The following TRIM63 variants were observed in gnomAD, a reference collection of about 807,000 sequenced individuals.
TRIM63 encodes E3 ubiquitin-protein ligase TRIM63.
TRIM63 carries 48 observed loss-of-function variants against 46.0 expected under a neutral mutation model. The ratio of observed to expected loss-of-function variants is 1.04; its 90% CI spans 0.83 to 1.33. The LOEUF (loss-of-function observed/expected upper bound fraction) is 1.33. Ranked by LOEUF, TRIM63 falls within the 40% of genes most tolerant of loss-of-function variation. TRIM63 has a pLI of 0.00. For missense variants in TRIM63, 455 were observed against 441.2 expected (o/e 1.03, Z -0.28); for synonymous variants, 175 against 162.8 (o/e 1.08, Z -0.57).
chr1:26,057,316 G>A lies in TRIM63; in HGVS notation c.866C>T (p.Ala289Val), dbSNP rs936318870. 1.2e-5 allele frequency: 19 copies of A among 1,614,026 alleles called. No individual in the cohort carries two copies. The highest frequency in any genetic ancestry group is 1.5e-5 in the Non-Finnish European group (18 of 1,180,042). ...CTTCCCCAGCTGGCAGCCCTTGGAA[G>A]CTTCCACAATGCTGCAGGGGAGACA... is the stretch of plus-strand genomic sequence containing the variant. ...AKQLIKSIVE[A>V]SKGCQLGKTE... The change falls in exon 7 of 9, where the codon GCT becomes GTT. Residue 289 changes from alanine (A) to valine (V), a missense_variant. Ala to Val is a moderately conservative substitution (Grantham distance 64). Transcript: ENST00000374272.
At chr1:26,064,034 G>A (rs902212300) in intron 2 of TRIM63, among the ~76,000 whole-genome samples, 1 of 152,354 alleles carries the variant, frequency 6.6e-6, no homozygotes, top group South Asian at 2.1e-4. Flanking sequence ...GGTGGCCCAC[G>A]CCTGTAATGC....
chr1:26,058,456 C>T lies in TRIM63; in HGVS notation c.765G>A (p.Lys255=). 2 of 1,614,200 alleles carry T rather than the reference C, an allele frequency of 1.2e-6. No individual in the cohort carries two copies. The highest frequency in any genetic ancestry group is 1.7e-6 in the Non-Finnish European group (2 of 1,180,044). Residue 255 remains lysine, a synonymous_variant, in exon 5 of 9, where the codon AAG becomes AAA. Coordinates refer to ENST00000374272, the MANE Select transcript of TRIM63 (RefSeq NM_032588.4). The stretch of plus-strand genomic sequence containing the variant: ...TGGCAGTTTCCACCAGCTTTGTGGA[C>T]TTGTCCAGCTGCTCCTGGTACTGCT... The part of the protein sequence containing the change: ...LIQQYQEQLD[K]STKLVETAIQ...
Position 26,067,368 on chromosome 1 carries a change from G to A in TRIM63, c.127C>T (p.Leu43=). ...ATGTCATTGGCACACTTCCGGCACA[G>A]GTTGTGCTGGCACGGCAAGATGACC... ...PVVILPCQHN[L]CRKCANDIFQ... Residue 43 remains leucine (L), a synonymous_variant, in exon 1 of 9, where the codon CTG becomes TTG. Transcript: ENST00000374272. The A allele has an allele frequency of 6.2e-7, 1 of 1,614,224 alleles. No individual in the cohort carries two copies. The highest frequency in any genetic ancestry group is 8.5e-7 in the Non-Finnish European group (1 of 1,180,046).
At chr1:26,057,700 C>T in intron 5 of TRIM63, 50 bp from the exon 6 acceptor site, 2 of 1,566,884 alleles carry the variant, frequency 1.3e-6, no homozygotes, top group South Asian at 1.2e-5. Context: ...GAGGTAACCG[C>T]AGGAAATCAG....
chr1:26,067,331 C>T lies in TRIM63; in HGVS notation c.159+5G>A. 1 of 1,613,706 alleles carries T rather than the reference C, an allele frequency of 6.2e-7. No individual in the cohort carries two copies. The highest frequency in any genetic ancestry group is 8.5e-7 in the Non-Finnish European group (1 of 1,179,980). On this transcript the variant is annotated splice_donor_5th_base_variant and intron_variant, in intron 1 of 8. Coordinates refer to ENST00000374272, the MANE Select transcript of TRIM63 (RefSeq NM_032588.4). ...ACCCCAAATGAAGCTGCACCCGGCA[C>T]TTACCTGGAAGATGTCATTGGCACA...
rs2050688311 is a variant in TRIM63, at chr1:26,067,400, T to G, written c.95A>C (p.Lys32Thr). ...CTGGCACGGCAAGATGACCACTGGCTTGGTAAACATCTCCAGGCAGATAGG... is the reference window on the plus strand; with the variant it reads ...CTGGCACGGCAAGATGACCACTGGCGTGGTAAACATCTCCAGGCAGATAGG... ...ICPICLEMFT[K>T]PVVILPCQHN... Residue 32 changes from lysine (K) to threonine (T), a missense_variant, in exon 1 of 9, where the codon AAG becomes ACG. Physicochemically the swap from Lys to Thr is moderately conservative, Grantham distance 78 (BLOSUM62 -1). Coordinates refer to ENST00000374272, the MANE Select transcript of TRIM63 (RefSeq NM_032588.4). The G allele has an allele frequency of 1.9e-6, 3 of 1,614,044 alleles. No homozygotes were observed. The African/African-American group carries it at 4.0e-5, about 22-fold the overall frequency.
intron 7 of TRIM63, 82 bp downstream of exon 7, chr1:26,057,121 C>T (rs2050579191): frequency 1.3e-6 from 2 of 1,552,230 alleles, no homozygotes; most frequent in East Asian, 2.3e-5. Context: ...GTATCTGCCT[C>T]CCCATCGGGC....
intron 3 of TRIM63, 35 bp from the exon 4 acceptor site, chr1:26,060,396 C>A (rs1403785733): frequency 5.1e-6 from 8 of 1,554,162 alleles, no homozygotes; most frequent in Non-Finnish European, 7.1e-6. Context: ...AGAGGAGAGA[C>A]ACAAATAGCC....
chr1:26,057,641 G>C lies in TRIM63; in HGVS notation c.841C>G (p.Gln281Glu). Residue 281 changes from glutamine to glutamate, a missense_variant, in exon 6 of 9, where the codon CAA becomes GAA. Gln to Glu is a conservative substitution (Grantham distance 29). Transcript: ENST00000374272. ...GGATFLLTAK[Q>E]LIKSIVEASK... ...GAAGACACTGACCTTTTGATGAGTT[G>C]CTTGGCAGTCTGCAGGGGGAGAGAG... The C allele has an allele frequency of 6.2e-7, 1 of 1,610,310 alleles. No individual in the cohort carries two copies. The highest frequency in any genetic ancestry group is 8.5e-7 in the Non-Finnish European group (1 of 1,178,380).
chr1:26,058,328 A>G (rs1383223623), intron 5 of TRIM63, 62 bp downstream of exon 5: 6 of 1,459,792 alleles, frequency 4.1e-6, no homozygotes, highest in African/African-American at 1.4e-5. Flanking sequence ...GGGAAGCATA[A>G]CTTGAACCTT....
At chr1:26,066,542 G>C in intron 1 of TRIM63, 102 bp from the exon 2 acceptor site, 2 of 1,124,854 alleles carry the variant, frequency 1.8e-6, no homozygotes, top group Non-Finnish European at 2.4e-6. Flanking sequence ...AACCACCCCC[G>C]TCAAACCTAA....
intron 2 of TRIM63, among the ~76,000 whole-genome samples, chr1:26,063,896 T>C (rs1023722528): frequency 3.3e-5 from 5 of 152,220 alleles, no homozygotes; most frequent in African/African-American, 1.2e-4. Context: ...TAGGCTAACA[T>C]TGGTGTGGAA....
chr1:26,062,281 AAAAAG>A (rs1308583751), intron 2 of TRIM63, among the ~76,000 whole-genome samples: 1 of 152,008 alleles, frequency 6.6e-6, no homozygotes, highest in African/African-American at 2.4e-5. Context: ...AAAAAAAAAA[AAAAAG>A]AAAGAAAGAA....
At chr1:26,052,406 C>A (rs753623356) in intron 8 of TRIM63, among the ~76,000 whole-genome samples, 5 of 152,108 alleles carry the variant, frequency 3.3e-5, no homozygotes, top group Non-Finnish European at 7.4e-5. Flanking sequence ...GTGAAGCAAG[C>A]GGGACTGGTG....
chr1:26,057,077 T>G, intron 7 of TRIM63, 126 bp downstream of exon 7: 32 of 1,268,886 alleles, frequency 2.5e-5, no homozygotes, highest in Non-Finnish European at 3.4e-5. Context: ...GTTGGCTATA[T>G]GAGTTTGATT....
intron 2 of TRIM63, among the ~76,000 whole-genome samples, chr1:26,064,777 A>G (rs1018920956): frequency 1.3e-5 from 2 of 152,236 alleles, no homozygotes; most frequent in African/African-American, 4.8e-5. Context: ...AGCATGGTAC[A>G]GTACATTAGT....
chr1:26,063,967 C>A (rs940672782), intron 2 of TRIM63, among the ~76,000 whole-genome samples: 2 of 152,192 alleles, frequency 1.3e-5, no homozygotes, highest in Non-Finnish European at 2.9e-5. Flanking sequence ...TGTGCTCTAG[C>A]AACATGAGAG....
intron 6 of TRIM63, 24 bp from the exon 7 acceptor site, chr1:26,057,351 G>A (rs908397909): frequency 2.1e-5 from 34 of 1,612,904 alleles, no homozygotes; most frequent in Non-Finnish European, 2.7e-5. Context: ...AGAAAGAGAG[G>A]CAGGATGAGG....
intron 6 of TRIM63, 39 bp downstream of exon 6, chr1:26,057,589 A>G: frequency 1.2e-5 from 19 of 1,602,784 alleles, no homozygotes; most frequent in Non-Finnish European, 1.6e-5. Flanking sequence ...CCTGGTGGGA[A>G]CTAGGTGCTT....
Sources: gnomAD v4.1 joint callset for allele counts (sites outside exome capture counted in the v4.1 genomes callset) on GRCh38, gnomAD v4.1.1 for gene constraint, MANE v1.5 for transcripts, NCBI Gene and HGNC (gene_info 2026-07-23, HGNC 2026-07-21) for gene names.